The following TRMT11 variants were observed in gnomAD, a reference collection of about 807,000 sequenced individuals.
TRMT11 encodes tRNA (guanine(10)-N(2))-methyltransferase TRMT11.
In TRMT11, 53 loss-of-function variants were observed where a neutral mutation model predicts 62.8. The ratio of observed to expected loss-of-function variants is 0.84; its 90% confidence interval spans 0.68 to 1.06. TRMT11 has a LOEUF of 1.06. Ranked by LOEUF, TRMT11 falls within the 50% of genes least tolerant of loss-of-function variation. The pLI is 0.00. For missense variants in TRMT11, 556 were observed against 553.4 expected (o/e 1.00, Z -0.05); for synonymous variants, 188 against 190.3 (o/e 0.99, Z 0.10).
At chr6:126,097,828 G>T (rs1161581062) in intron 17 of TRMT11, among the ~76,000 whole-genome samples, 1 of 152,030 alleles carries the variant, frequency 6.6e-6, no homozygotes, top group Non-Finnish European at 1.5e-5. Context: ...CAGGGGCTGG[G>T]GTTGTGGGGA....
the TRMT11 span, among the ~76,000 whole-genome samples, chr6:126,242,833 A>C: frequency 2.0e-5 from 3 of 152,224 alleles, no homozygotes; most frequent in African/African-American, 7.2e-5. Context: ...TAAAAACCCT[A>C]GAAGAAAACC....
chr6:126,126,117 G>A (rs144525117), intron 21 of TRMT11, among the ~76,000 whole-genome samples: 1 of 152,060 alleles, frequency 6.6e-6, no homozygotes, highest in African/African-American at 2.4e-5. Flanking sequence ...TTATTTGTCT[G>A]GCCTTTATGG....
chr6:126,033,790 A>G (rs1416941053), intron 12 of TRMT11, among the ~76,000 whole-genome samples: 1 of 152,150 alleles, frequency 6.6e-6, no homozygotes, highest in African/African-American at 2.4e-5. Context: ...GAAGTACTCT[A>G]AAGAAGGATT....
the TRMT11 span, among the ~76,000 whole-genome samples, chr6:126,243,232 G>T: frequency 2.6e-5 from 4 of 152,260 alleles, no homozygotes; most frequent in Non-Finnish European, 5.9e-5. Context: ...AAACCACAAT[G>T]GGATACCATC....
intron 21 of TRMT11, among the ~76,000 whole-genome samples, chr6:126,140,082 T>C (rs1777900404): frequency 6.6e-6 from 1 of 152,098 alleles, no homozygotes; most frequent in Non-Finnish European, 1.5e-5. Flanking sequence ...GGTTTTCTTC[T>C]ATTTCTAATT....
At chr6:126,268,015 G>A in the TRMT11 span, among the ~76,000 whole-genome samples, 1 of 152,230 alleles carries the variant, frequency 6.6e-6, no homozygotes, top group Middle Eastern at 3.4e-3. Flanking sequence ...GAAAAATTGT[G>A]CAAATGATGG....
chr6:126,119,757 A>G (rs2128195124), intron 21 of TRMT11, among the ~76,000 whole-genome samples: 1 of 152,276 alleles, frequency 6.6e-6, no homozygotes, highest in Non-Finnish European at 1.5e-5. Flanking sequence ...TTTCTGGAAA[A>G]ACAAATTGGA....
chr6:126,088,434 A>C (rs539711480), intron 17 of TRMT11, among the ~76,000 whole-genome samples: 1 of 152,348 alleles, frequency 6.6e-6, no homozygotes, highest in South Asian at 2.1e-4. Context: ...CCAATCTACC[A>C]GCAGGTGTAA....
At chr6:126,005,706 G>T (rs1340579228) in intron 7 of TRMT11, among the ~76,000 whole-genome samples, 2 of 151,954 alleles carry the variant, frequency 1.3e-5, no homozygotes, top group Non-Finnish European at 2.9e-5. Flanking sequence ...CTGTTGGCAG[G>T]TTATAGCAGC....
chr6:126,067,607 C>A (rs1776729471), intron 17 of TRMT11, among the ~76,000 whole-genome samples: 1 of 152,132 alleles, frequency 6.6e-6, no homozygotes. Flanking sequence ...TTACATTTTT[C>A]TAGTTTTTGG....
At chr6:126,256,067 G>T in the TRMT11 span, among the ~76,000 whole-genome samples, 1 of 152,160 alleles carries the variant, frequency 6.6e-6, no homozygotes, top group African/African-American at 2.4e-5. Flanking sequence ...CTAGACTGGA[G>T]GATCCATATC....
chr6:126,202,894 T>C (rs1195456557), downstream of TRMT11, among the ~76,000 whole-genome samples: 4 of 152,198 alleles, frequency 2.6e-5, no homozygotes, highest in African/African-American at 9.7e-5. Context: ...CATTCATTTA[T>C]AGAATTAGGA....
At position 126,116,391 on chromosome 6, in the gene TRMT11, G is replaced by C. The variant is rs560462868; in HGVS notation, c.*1823+536G>C. On this transcript the variant is annotated intron_variant and NMD_transcript_variant, in intron 21 of 22. Transcript: ENST00000648977. ...AGAGACTCTGAGAGTATTAATCAGA[G>C]ATAAATGGGAAGTAAGTAATAGTCT... Among the ~76,000 whole-genome samples the C allele has an allele frequency of 2.6e-5, 4 of 152,212 alleles. No individual in the cohort carries two copies. In the South Asian group the frequency reaches 8.3e-4, roughly 32 times the overall value.
At chr6:126,086,175 T>G (rs1777214862) in intron 17 of TRMT11, among the ~76,000 whole-genome samples, 1 of 152,200 alleles carries the variant, frequency 6.6e-6, no homozygotes, top group Admixed American at 6.5e-5. Flanking sequence ...TCAATTCAGA[T>G]ATTATCTAGA....
chr6:126,028,259 G>T (rs1166524747), intron 12 of TRMT11, among the ~76,000 whole-genome samples: 1 of 152,054 alleles, frequency 6.6e-6, no homozygotes, highest in East Asian at 1.9e-4. Context: ...AAAACAAAGG[G>T]TAAGATAGAT....
At chr6:126,094,974 A>G (rs1018776919) in intron 17 of TRMT11, among the ~76,000 whole-genome samples, 2 of 152,194 alleles carry the variant, frequency 1.3e-5, no homozygotes, top group African/African-American at 4.8e-5. Context: ...TGACTACCTT[A>G]TAGCCTCACT....
In TRMT11 at chr6:126,115,820, T is replaced by A. The variant is rs1244824398; in HGVS notation, c.*1788T>A. On this transcript the variant is annotated 3_prime_UTR_variant and NMD_transcript_variant, in exon 21 of 23. Transcript: ENST00000648977. ...TTGCTTCTTCCTGTTCCCATTAGTG[T>A]CACCTCAGCAGTGACTTTTCACCCT... 2.6e-5 allele frequency among the ~76,000 whole-genome samples: 4 copies of A among 152,098 alleles called. No individual in the cohort carries two copies. In the East Asian group the frequency reaches 7.8e-4, roughly 30 times the overall value.
At chr6:126,271,278 C>T in the TRMT11 span, among the ~76,000 whole-genome samples, 14 of 146,990 alleles carry the variant, frequency 9.5e-5, no homozygotes, top group East Asian at 1.6e-3. Flanking sequence ...GCAGGAAAAT[C>T]GCTTGAACCC....
At chr6:126,114,651 CT>C (rs1473776162) in intron 18 of TRMT11, among the ~76,000 whole-genome samples, 4 of 152,062 alleles carry the variant, frequency 2.6e-5, no homozygotes, top group African/African-American at 4.8e-5. Flanking sequence ...CAAATGAGGT[CT>C]TTTCTGTCTT....
Sources: allele counts gnomAD v4.1 joint callset (sites outside exome capture counted in the v4.1 genomes callset), GRCh38; gene constraint gnomAD v4.1.1; transcripts MANE v1.5; gene names NCBI Gene and HGNC (gene_info 2026-07-23, HGNC 2026-07-21).